The following MAML2 variants were observed in gnomAD, a reference collection of about 807,000 sequenced individuals.
MAML2 encodes mastermind like transcriptional coactivator 2.
A neutral mutation model predicts 96.1 loss-of-function variants in MAML2; 22 were observed. The ratio of observed to expected loss-of-function variants is 0.23; its 90% CI spans 0.16 to 0.33. The LOEUF (loss-of-function observed/expected upper bound fraction) is 0.33, where lower values mean the gene tolerates loss of function less well. Ranked by LOEUF, MAML2 falls within the 10% of genes least tolerant of loss-of-function variation. The pLI, the probability that MAML2 is intolerant of heterozygous loss-of-function variation, is 1.00. For synonymous variants in MAML2, 561 were observed against 521.3 expected, an observed-to-expected ratio of 1.08 and a Z score of -1.04; for missense variants, 1,367 against 1,392.4, an observed-to-expected ratio of 0.98 and a Z score of 0.29.
intron 4 of MAML2, among the ~76,000 whole-genome samples, chr11:95,981,392 G>A (rs988819861): frequency 1.3e-5 from 2 of 152,220 alleles, no homozygotes; most frequent in East Asian, 1.9e-4. Flanking sequence ...TGGAGGCAAA[G>A]ATGATCAGGG....
intron 2 of MAML2, among the ~76,000 whole-genome samples, chr11:96,014,193 T>G (rs956551711): frequency 6.6e-6 from 1 of 152,162 alleles, no homozygotes; most frequent in Admixed American, 6.5e-5. Context: ...AAGTATAAAA[T>G]ATGCAATTCT....
chr11:96,237,177 T>C (rs551774249), intron 1 of MAML2, among the ~76,000 whole-genome samples: 2 of 152,342 alleles, frequency 1.3e-5, no homozygotes, highest in South Asian at 2.1e-4. Context: ...TTCTGTATTT[T>C]ATAGTAATTT....
intron 1 of MAML2, among the ~76,000 whole-genome samples, chr11:96,224,667 C>T (rs1217778297): frequency 6.6e-6 from 1 of 152,214 alleles, no homozygotes; most frequent in Non-Finnish European, 1.5e-5. Flanking sequence ...ATACTCTCAG[C>T]TTCTCTGGGA....
At chr11:96,326,994 G>T (rs1451821596) in intron 1 of MAML2, among the ~76,000 whole-genome samples, 1 of 152,108 alleles carries the variant, frequency 6.6e-6, no homozygotes, top group Non-Finnish European at 1.5e-5. Context: ...AATAAACAAA[G>T]AATCAAAATA....
intron 1 of MAML2, among the ~76,000 whole-genome samples, chr11:96,133,989 G>A (rs1860585410): frequency 6.6e-6 from 1 of 151,626 alleles, no homozygotes; most frequent in African/African-American, 2.4e-5. Flanking sequence ...GCAAGACCCT[G>A]CCTCATTGAA....
intron 1 of MAML2, among the ~76,000 whole-genome samples, chr11:96,299,044 CAAAAAAA>C (rs71040142): frequency 2.5e-5 from 2 of 80,792 alleles, no homozygotes; most frequent in Non-Finnish European, 4.4e-5. Context: ...GAGTCCATCT[CAAAAAAA>C]AAAAAAAAAA....
intron 4 of MAML2, among the ~76,000 whole-genome samples, chr11:95,983,690 T>C (rs1332912111): frequency 3.3e-5 from 5 of 151,894 alleles, no homozygotes; most frequent in Non-Finnish European, 7.4e-5. Context: ...CAATTATATG[T>C]CAATTAAAAA....
intron 1 of MAML2, among the ~76,000 whole-genome samples, chr11:96,235,587 T>C (rs1862356540): frequency 1.3e-5 from 2 of 152,226 alleles, no homozygotes; most frequent in Non-Finnish European, 2.9e-5. Flanking sequence ...GGTTTCTTAT[T>C]TGTAAAGTAA....
intron 1 of MAML2, among the ~76,000 whole-genome samples, chr11:96,202,274 C>G (rs1401951121): frequency 2.0e-5 from 3 of 150,044 alleles, no homozygotes; most frequent in African/African-American, 4.9e-5. Context: ...TGGTGTGAAC[C>G]CGGGAGGTGG....
intron 1 of MAML2, among the ~76,000 whole-genome samples, chr11:96,198,487 T>C (rs1319993204): frequency 1.3e-5 from 2 of 152,228 alleles, no homozygotes; most frequent in Non-Finnish European, 2.9e-5. Flanking sequence ...ATATGGTCCA[T>C]TCAAGTTTTG....
At chr11:96,202,110 C>T (rs897344365) in intron 1 of MAML2, among the ~76,000 whole-genome samples, 1 of 139,146 alleles carries the variant, frequency 7.2e-6, no homozygotes, top group Non-Finnish European at 1.5e-5. Context: ...GAGGCAGGCG[C>T]ATCATGAGGT....
chr11:96,338,646 GAC>G (rs547141984), intron 1 of MAML2, among the ~76,000 whole-genome samples: 146 of 152,260 alleles, frequency 9.6e-4, no homozygotes, highest in African/African-American at 3.4e-3. Flanking sequence ...TTCATCTGAG[GAC>G]ACAGCACATC....
Position 96,092,813 on chromosome 11 carries a change from T to C in MAML2, c.1218A>G (p.Ser406=). ...GAGGCTGAGCCTGGCTCTGAGGGAC[T>C]GAAGGGATTGGAGACGAAGTGGAGA... ...SALSTSSPIP[S]VPQSQAQPQT... is the part of the protein sequence containing the mutation. Residue 406 remains serine (S), a synonymous_variant, in exon 2 of 5, where the codon TCA becomes TCG. Coordinates refer to ENST00000524717, the MANE Select transcript of MAML2 (RefSeq NM_032427.4). This position sits in a 1 kb window ranked among gnomAD's most constrained non-coding sequence, Gnocchi z 4.1. The C allele has an allele frequency of 6.2e-7, 1 of 1,610,756 alleles. No homozygotes were observed. The highest frequency in any genetic ancestry group is 1.3e-5 in the African/African-American group (1 of 75,006).
intron 2 of MAML2, among the ~76,000 whole-genome samples, chr11:96,059,540 G>A (rs141450004): frequency 7.2e-4 from 110 of 152,264 alleles, no homozygotes; most frequent in African/African-American, 2.6e-3. Flanking sequence ...CCTATTTCGT[G>A]TACAAGTTGA....
intron 1 of MAML2, among the ~76,000 whole-genome samples, chr11:96,101,135 T>C (rs1473134694): frequency 1.3e-5 from 2 of 152,066 alleles, no homozygotes; most frequent in Non-Finnish European, 2.9e-5. Context: ...AGAAAAGAAG[T>C]CAACATACTG....
intron 2 of MAML2, among the ~76,000 whole-genome samples, chr11:96,065,414 T>TGC (rs979821970): frequency 5.9e-4 from 38 of 63,994 alleles, no homozygotes; most frequent in African/African-American, 2.0e-3. Flanking sequence ...CGTGCGTGCA[T>TGC]GCACACACAC....
At chr11:95,981,435 A>G (rs577652951) in intron 4 of MAML2, among the ~76,000 whole-genome samples, 64 of 152,348 alleles carry the variant, frequency 4.2e-4, no homozygotes, top group African/African-American at 1.3e-3. Flanking sequence ...TGAGAAATAC[A>G]GAGCTAAATA....
chr11:96,027,925 T>A (rs1241407419), intron 2 of MAML2, among the ~76,000 whole-genome samples: 1 of 151,862 alleles, frequency 6.6e-6, no homozygotes, highest in African/African-American at 2.4e-5. Flanking sequence ...AGAGATGGGG[T>A]TTTGCCATGT....
Position 96,294,388 on chromosome 11 carries a change from A to AT in MAML2, c.513+46994dup, listed in dbSNP as rs1271903967. On this transcript the variant is annotated intron_variant, in intron 1 of 4. Transcript: ENST00000524717. ...ATTAGTTCTAAAGATGTAGTCGCCCATAAAACCAAGACCACATGGTGACCT... is the reference window on the plus strand; with the variant it reads ...ATTAGTTCTAAAGATGTAGTCGCCCATTAAAACCAAGACCACATGGTGACCT... Among the ~76,000 whole-genome samples the AT allele has an allele frequency of 3.3e-5, 5 of 152,320 alleles. No homozygotes were observed. In the East Asian group the frequency reaches 9.6e-4, roughly 29 times the overall value.
Sources: gnomAD v4.1 joint callset for allele counts (sites outside exome capture counted in the v4.1 genomes callset) on GRCh38, gnomAD v4.1.1 for gene constraint, Gnocchi (gnomAD v3.1) non-coding constraint, MANE v1.5 for transcripts, NCBI Gene and HGNC (gene_info 2026-07-23, HGNC 2026-07-21) for gene names.